PAX7: variants seen among roughly 807,000 people sequenced by gnomAD.
PAX7 encodes paired box protein Pax-7.
A neutral mutation model predicts 50.7 loss-of-function variants in PAX7; 18 were observed. The observed-to-expected ratio is 0.36, with a 90% CI of 0.25 to 0.53. PAX7 has a LOEUF of 0.53. Among genes scored for constraint, PAX7 ranks in the 20% least tolerant of loss-of-function variants. The pLI, the probability that PAX7 is intolerant of heterozygous loss-of-function variation, is 0.93. For missense variants in PAX7, 644 were observed against 702.9 expected, an observed-to-expected ratio of 0.92 and a Z score of 0.95; for synonymous variants, 310 against 290.4, an observed-to-expected ratio of 1.07 and a Z score of -0.69.
chr1:18,657,198 A>G (rs2088534855), intron 4 of PAX7, among the ~76,000 whole-genome samples: 1 of 152,090 alleles, frequency 6.6e-6, no homozygotes, highest in African/African-American at 2.4e-5. Flanking sequence ...GGCATGGAGC[A>G]TGGGGGTGAT....
Position 18,634,180 on chromosome 1 carries a change from G to T in PAX7, c.86-123G>T. Reference sequence around the variant, plus strand: ...CGAAGCCCCAGTGTGAGGACCACCGGGATTGCTGTCTGAGGTCTTGGGGCT... The same window carrying T: ...CGAAGCCCCAGTGTGAGGACCACCGTGATTGCTGTCTGAGGTCTTGGGGCT... On this transcript the variant is annotated intron_variant, in intron 1 of 8. Coordinates refer to ENST00000420770, the MANE Select transcript of PAX7 (RefSeq NM_001135254.2). This position sits in a 1 kb window ranked among gnomAD's most constrained non-coding sequence, Gnocchi z 4.0. 1.4e-6 allele frequency: 1 copy of T among 697,936 alleles called. No individual in the cohort carries two copies. The highest frequency in any genetic ancestry group is 1.8e-5 in the South Asian group (1 of 54,392). 43.2% of individuals were successfully genotyped at this position (697,936 alleles called of 1,614,324 possible).
At chr1:18,667,448 AAG>A (rs2088687001) in intron 4 of PAX7, among the ~76,000 whole-genome samples, 1 of 147,032 alleles carries the variant, frequency 6.8e-6, no homozygotes, top group Non-Finnish European at 1.5e-5. Flanking sequence ...GGAAGGAAGG[AAG>A]GAGCTTTGGT....
rs994624735 is a variant in PAX7, at chr1:18,648,467, G to A, written c.586+12096G>A. Among the ~76,000 whole-genome samples the A allele has an allele frequency of 4.7e-5, 7 of 149,890 alleles. No individual in the cohort carries two copies. In the East Asian group the frequency reaches 8.0e-4, roughly 17 times the overall value. ...AGCGATTCTCTCACCTCTGCCTCCC[G>A]AGTAGCTGGGACTACAGGCACGCAC... is the stretch of plus-strand genomic sequence containing the variant. On this transcript the variant is annotated intron_variant, in intron 4 of 8. Coordinates refer to ENST00000420770, the MANE Select transcript of PAX7 (RefSeq NM_001135254.2).
In PAX7 at chr1:18,726,457, C is replaced by A. The variant is rs1223404010; in HGVS notation, c.1156-9175C>A. On this transcript the variant is annotated intron_variant, in intron 7 of 8. Transcript: ENST00000420770. This position sits in a 1 kb window ranked among gnomAD's most constrained non-coding sequence, Gnocchi z 4.8. ...TTAGCAAATGTTTATTGGGTGCCTT[C>A]TGTGTCCCAGGCACTGGGAATAAGA... Among the ~76,000 whole-genome samples the A allele has an allele frequency of 6.6e-6, 1 of 152,226 alleles. No individual in the cohort carries two copies. The highest frequency in any genetic ancestry group is 1.5e-5 in the Non-Finnish European group (1 of 68,034).
chr1:18,651,822 C>T (rs2088436396), intron 4 of PAX7, among the ~76,000 whole-genome samples: 1 of 141,050 alleles, frequency 7.1e-6, no homozygotes, highest in Non-Finnish European at 1.5e-5. Flanking sequence ...CCCCTCCCCG[C>T]CCCCCCCACC....
intron 4 of PAX7, among the ~76,000 whole-genome samples, chr1:18,671,836 G>A (rs2088754892): frequency 6.6e-6 from 1 of 152,044 alleles, no homozygotes; most frequent in African/African-American, 2.4e-5. Flanking sequence ...AATGAGCCAG[G>A]CATGGTGGTG....
intron 7 of PAX7, among the ~76,000 whole-genome samples, chr1:18,728,476 G>A (rs530058306): frequency 3.3e-5 from 5 of 152,076 alleles, no homozygotes; most frequent in African/African-American, 1.2e-4. Flanking sequence ...ATGTGTCATG[G>A]TATTACGCGT....
intron 8 of PAX7, among the ~76,000 whole-genome samples, chr1:18,739,168 AG>A (rs1226601741): frequency 6.6e-6 from 1 of 152,222 alleles, no homozygotes; most frequent in Non-Finnish European, 1.5e-5. Context: ...CCCAGGTTGC[AG>A]GTGCAAAAAC....
rs1187100326 is a variant in PAX7, at chr1:18,747,643, A to C, written c.*2714A>C. 9.5e-6 allele frequency: 2 copies of C among 209,694 alleles called. No individual in the cohort carries two copies. Among genetic ancestry groups the C allele is most frequent in the Admixed American group, 5.9e-5 (1 of 16,978 alleles). The allele number at this position is 209,694 out of a possible 1,614,324, so 13.0% of individuals were successfully genotyped here. A position where few individuals can be genotyped will look rare whatever the true frequency, so the allele number is the denominator to read the frequency against. On this transcript the variant is annotated 3_prime_UTR_variant, in exon 9 of 9. Coordinates refer to ENST00000420770, the MANE Select transcript of PAX7 (RefSeq NM_001135254.2). ...GCCGTCCCAGAAACAACCCCCATCCATCCCTGTAAATAGAGTCTGTAGCAA... is the reference window on the plus strand; with the variant it reads ...GCCGTCCCAGAAACAACCCCCATCCCTCCCTGTAAATAGAGTCTGTAGCAA...
intron 4 of PAX7, among the ~76,000 whole-genome samples, chr1:18,650,766 C>T (rs532710398): frequency 1.3e-5 from 2 of 152,220 alleles, no homozygotes; most frequent in South Asian, 4.1e-4. Flanking sequence ...GAAGAGAGAC[C>T]CAGTCCCCAA....
In PAX7 at chr1:18,631,867, C is replaced by T. The variant is rs112737517; in HGVS notation, c.85+179C>T. On this transcript the variant is annotated intron_variant, in intron 1 of 8. Transcript: ENST00000420770. ...AGTTTCTGGGACCCATACTTGTCCG[C>T]TTCTGCGTGGGTTTCACTGCCCGGC... 9.5e-3 allele frequency among the ~76,000 whole-genome samples: 1,451 copies of T among 152,308 alleles called. 22 individuals are homozygous for T. Among genetic ancestry groups the T allele is most frequent in the African/African-American group, 0.033 (1,374 of 41,570 alleles).
intron 4 of PAX7, among the ~76,000 whole-genome samples, chr1:18,672,603 T>G (rs1043954428): frequency 1.2e-4 from 18 of 147,524 alleles, no homozygotes; most frequent in South Asian, 4.4e-4. Flanking sequence ...TGTGTTTTTT[T>G]TTTTTTTTTT....
intron 4 of PAX7, among the ~76,000 whole-genome samples, chr1:18,690,793 A>G (rs1431863658): frequency 2.0e-5 from 3 of 152,194 alleles, no homozygotes; most frequent in Non-Finnish European, 4.4e-5. Flanking sequence ...GCCTGGGGGA[A>G]TCACTCAGAG....
chr1:18,679,709 G>T (rs2088870567), intron 4 of PAX7, among the ~76,000 whole-genome samples: 1 of 152,224 alleles, frequency 6.6e-6, no homozygotes, highest in Admixed American at 6.5e-5. Context: ...GGATGGACGT[G>T]GGGTCTGTAG....
chr1:18,637,816 G>T (rs1474301645), intron 4 of PAX7, among the ~76,000 whole-genome samples: 1 of 152,244 alleles, frequency 6.6e-6, no homozygotes, highest in Non-Finnish European at 1.5e-5. Context: ...CCGCAGTCCC[G>T]CCCGGGACAA....
intron 8 of PAX7, among the ~76,000 whole-genome samples, chr1:18,738,033 TA>T (rs1471148010): frequency 2.0e-5 from 3 of 152,260 alleles, no homozygotes; most frequent in Non-Finnish European, 4.4e-5. Flanking sequence ...AGTGTGTAAA[TA>T]GGGGTGAGTG....
intron 4 of PAX7, among the ~76,000 whole-genome samples, chr1:18,650,654 G>A (rs1458773819): frequency 6.6e-6 from 1 of 152,232 alleles, no homozygotes; most frequent in Non-Finnish European, 1.5e-5. Context: ...CCCAGCAAGA[G>A]CCACTGGTCT....
rs1369714484 is a variant in PAX7 at position 18,643,834 on chromosome 1, G to T, written c.586+7463G>T. ...GGCGAGCGAGCTGGGCCGGCAGGGC[G>T]GGAGGGAGGCCGACCCCGAGGCGGG... On this transcript the variant is annotated intron_variant, in intron 4 of 8. Coordinates refer to ENST00000420770, the MANE Select transcript of PAX7 (RefSeq NM_001135254.2). Among the ~76,000 whole-genome samples, 11 of 152,220 alleles carry T rather than the reference G, an allele frequency of 7.2e-5. No homozygotes were observed. In the East Asian group the frequency reaches 1.7e-3, roughly 24 times the overall value.
At chr1:18,661,724 C>G (rs2088601819) in intron 4 of PAX7, among the ~76,000 whole-genome samples, 1 of 152,246 alleles carries the variant, frequency 6.6e-6, no homozygotes, top group African/African-American at 2.4e-5. Flanking sequence ...CACACAAGAG[C>G]CTGGGCTCCC....
Sources: gnomAD v4.1 joint callset for allele counts (sites outside exome capture counted in the v4.1 genomes callset) on GRCh38, gnomAD v4.1.1 for gene constraint, Gnocchi (gnomAD v3.1) non-coding constraint, MANE v1.5 for transcripts, NCBI Gene and HGNC (gene_info 2026-07-23, HGNC 2026-07-21) for gene names.